Variants in STK39 observed in about 807,000 individuals in gnomAD.
The protein encoded by STK39 is serine/threonine kinase 39.
A neutral mutation model predicts 77.8 loss-of-function variants in STK39; 20 were observed. That is an observed-to-expected ratio of 0.26 (90% CI 0.18 to 0.37). STK39 has a LOEUF of 0.37. Ranked by LOEUF, STK39 falls within the 10% of genes least tolerant of loss-of-function variation. STK39 has a pLI of 1.00. For synonymous variants in STK39, 246 were observed against 234.1 expected, an observed-to-expected ratio of 1.05 and a Z score of -0.47; for missense variants, 479 against 656.5, an observed-to-expected ratio of 0.73 and a Z score of 2.95.
intron 16 of STK39, among the ~76,000 whole-genome samples, chr2:167,988,545 A>T (rs1474324940): frequency 6.6e-6 from 1 of 152,146 alleles, no homozygotes; most frequent in African/African-American, 2.4e-5. Context: ...GTAGAAAAGC[A>T]AAGCTGTTTT....
chr2:168,175,557 A>T (rs573239980), intron 2 of STK39, among the ~76,000 whole-genome samples: 1 of 152,326 alleles, frequency 6.6e-6, no homozygotes, highest in East Asian at 1.9e-4. Context: ...TTGATGTTCC[A>T]AAAATAAAAG....
At chr2:168,008,528 G>A (rs981474623) in intron 16 of STK39, among the ~76,000 whole-genome samples, 6 of 152,208 alleles carry the variant, frequency 3.9e-5, no homozygotes, top group Non-Finnish European at 1.5e-5. Context: ...ACATTTCCAA[G>A]TGAAGACGCT....
intron 10 of STK39, among the ~76,000 whole-genome samples, chr2:168,088,679 T>A (rs1230755236): frequency 1.3e-5 from 2 of 152,164 alleles, no homozygotes; most frequent in African/African-American, 2.4e-5. Flanking sequence ...GAGAACAGCA[T>A]CCACCACTGT....
intron 1 of STK39, among the ~76,000 whole-genome samples, chr2:168,207,050 A>C (rs1057494089): frequency 6.6e-6 from 1 of 152,160 alleles, no homozygotes; most frequent in Non-Finnish European, 1.5e-5. Flanking sequence ...GCATAGCTTT[A>C]CACATGCAGA....
chr2:168,044,400 A>G (rs1685186191), intron 14 of STK39, among the ~76,000 whole-genome samples: 1 of 152,200 alleles, frequency 6.6e-6, no homozygotes, highest in Non-Finnish European at 1.5e-5. Context: ...GTCCTTAAAC[A>G]TGGTGATTTA....
At chr2:168,139,627 G>A (rs948825756) in intron 7 of STK39, among the ~76,000 whole-genome samples, 1 of 151,966 alleles carries the variant, frequency 6.6e-6, no homozygotes, top group African/African-American at 2.4e-5. Flanking sequence ...CAGTAACCAT[G>A]AAACAATCAT....
chr2:168,152,929 G>C (rs998409553), intron 5 of STK39, among the ~76,000 whole-genome samples: 1 of 152,146 alleles, frequency 6.6e-6, no homozygotes, highest in African/African-American at 2.4e-5. Flanking sequence ...ACTATCAGAA[G>C]CTTCCATTAA....
In STK39 at chr2:167,970,882, T is replaced by A. The variant is rs111832678; in HGVS notation, c.1499-6156A>T. Among the ~76,000 whole-genome samples the A allele has an allele frequency of 2.8e-3, 428 of 151,274 alleles. 4 individuals are homozygous for A. Among genetic ancestry groups the A allele is most frequent in the Non-Finnish European group, 2.3e-3 (156 of 67,994 alleles). On this transcript the variant is annotated intron_variant, in intron 16 of 17. Transcript: ENST00000355999. Reference sequence around the variant, plus strand: ...CTTCTGATTTCTATATGTTACTTTATTTTTTTTGTCCATAAATTTGTCTGA... The same window carrying A: ...CTTCTGATTTCTATATGTTACTTTAATTTTTTTGTCCATAAATTTGTCTGA...
At chr2:168,000,355 C>G (rs958418496) in intron 16 of STK39, among the ~76,000 whole-genome samples, 1 of 152,142 alleles carries the variant, frequency 6.6e-6, no homozygotes, top group Non-Finnish European at 1.5e-5. Flanking sequence ...AAGAAAAGAG[C>G]CAACTTTTCT....
At chr2:168,044,581 A>G (rs999559715) in intron 14 of STK39, among the ~76,000 whole-genome samples, 2 of 152,226 alleles carry the variant, frequency 1.3e-5, no homozygotes, top group African/African-American at 4.8e-5. Flanking sequence ...AACAGGAAGG[A>G]AAGTATAAAA....
chr2:168,069,786 T>C (rs1001137237), intron 12 of STK39, among the ~76,000 whole-genome samples: 3 of 152,160 alleles, frequency 2.0e-5, no homozygotes, highest in Admixed American at 6.5e-5. Context: ...AATCTGTGGG[T>C]TGAGTCTAGA....
At chr2:168,126,391 T>G (rs938446114) in intron 10 of STK39, among the ~76,000 whole-genome samples, 67 of 152,194 alleles carry the variant, frequency 4.4e-4, no homozygotes, top group African/African-American at 1.5e-3. Flanking sequence ...CAGAAGTTAC[T>G]TAAACACTGG....
At position 168,012,628 on chromosome 2, in the gene STK39, A is replaced by G. The variant is rs200577696; in HGVS notation, c.1498+6T>C. On this transcript the variant is annotated splice_donor_region_variant and intron_variant, in intron 16 of 17. Transcript: ENST00000355999. ...AAATGACAGTGCATACTAAAAAACA[A>G]TTTACCTATAACTACATCGTGACCA... The G allele has an allele frequency of 1.2e-6, 2 of 1,613,002 alleles. No homozygotes were observed. Among genetic ancestry groups the G allele is most frequent in the South Asian group, 1.1e-5 (1 of 90,844 alleles).
intron 10 of STK39, among the ~76,000 whole-genome samples, chr2:168,077,019 C>A (rs1686097796): frequency 6.6e-6 from 1 of 152,116 alleles, no homozygotes; most frequent in South Asian, 2.1e-4. Flanking sequence ...CAACGCTGAT[C>A]ATGGTGGTAG....
intron 2 of STK39, among the ~76,000 whole-genome samples, chr2:168,172,736 C>A (rs1189253108): frequency 1.3e-5 from 2 of 152,122 alleles, no homozygotes; most frequent in Non-Finnish European, 2.9e-5. Flanking sequence ...GCGTATTTTA[C>A]AACTTATGTA....
chr2:167,998,712 C>G (rs1683915680), intron 16 of STK39, among the ~76,000 whole-genome samples: 1 of 152,186 alleles, frequency 6.6e-6, no homozygotes, highest in Non-Finnish European at 1.5e-5. Context: ...TGGAAGGTAT[C>G]TCTGCAGTCC....
Position 168,143,782 on chromosome 2 carries a change from C to T in STK39, c.629-3024G>A, listed in dbSNP as rs1004169984. Among the ~76,000 whole-genome samples the T allele has an allele frequency of 1.3e-5, 2 of 152,120 alleles. 1 individual carries two copies. The highest frequency in any genetic ancestry group is 4.1e-4 in the South Asian group (2 of 4,828). ...AAAGTCAAAATCCTTCAGCATAACA[C>T]GTAAACCTATATCACTACTCTCAGA... On this transcript the variant is annotated intron_variant, in intron 5 of 17. Coordinates refer to ENST00000355999, the MANE Select transcript of STK39 (RefSeq NM_013233.3).
Position 168,074,981 on chromosome 2 carries a change from C to T in STK39, c.1242+1G>A, listed in dbSNP as rs201115809. The T allele has an allele frequency of 1.2e-6, 2 of 1,613,440 alleles. No homozygotes were observed. The highest frequency in any genetic ancestry group is 1.7e-6 in the Non-Finnish European group (2 of 1,179,974). On this transcript the variant is annotated splice_donor_variant, in intron 12 of 17. Coordinates refer to ENST00000355999, the MANE Select transcript of STK39 (RefSeq NM_013233.3). LOFTEE classifies it high-confidence loss of function. Reference sequence around the variant, plus strand: ...ATAATAAATAAATAGCCACAGCTCACCTCTGGATTTTCTTCTTTTACTCTT... The same window carrying T: ...ATAATAAATAAATAGCCACAGCTCATCTCTGGATTTTCTTCTTTTACTCTT...
At chr2:168,156,666 C>A (rs752059796) in intron 5 of STK39, among the ~76,000 whole-genome samples, 2 of 152,356 alleles carry the variant, frequency 1.3e-5, no homozygotes, top group Non-Finnish European at 1.5e-5. Context: ...AGTATATTCT[C>A]ATTACACAAA....
Sources: allele counts gnomAD v4.1 joint callset (sites outside exome capture counted in the v4.1 genomes callset), GRCh38; gene constraint gnomAD v4.1.1; transcripts MANE v1.5; gene names NCBI Gene and HGNC (gene_info 2026-07-23, HGNC 2026-07-21).